TMEM233: variants seen among roughly 807,000 people sequenced by gnomAD.
TMEM233 encodes dispanin subfamily B member 2.
TMEM233 carries 6 observed loss-of-function variants against 11.2 expected under a neutral mutation model. The observed-to-expected ratio is 0.54, with a 90% CI of 0.29 to 1.06. The LOEUF (loss-of-function observed/expected upper bound fraction) is 1.06, where lower values mean the gene tolerates loss of function less well. TMEM233 is among the 50% of genes least tolerant of loss of function. TMEM233 has a pLI of 0.08. For synonymous variants in TMEM233, 59 were observed against 55.8 expected, an observed-to-expected ratio of 1.06 and a Z score of -0.26; for missense variants, 127 against 144.7, an observed-to-expected ratio of 0.88 and a Z score of 0.63.
chr12:119,652,031 T>A, the TMEM233 span, among the ~76,000 whole-genome samples: 1 of 152,048 alleles, frequency 6.6e-6, no homozygotes, highest in South Asian at 2.1e-4. Flanking sequence ...ACCAAAAAAA[T>A]TTAAAAATTA....
the TMEM233 span, among the ~76,000 whole-genome samples, chr12:119,649,404 C>G: frequency 6.6e-6 from 1 of 152,084 alleles, no homozygotes; most frequent in African/African-American, 2.4e-5. Context: ...GGGATGCCCC[C>G]TAGTGGAAAA....
intron 2 of TMEM233, among the ~76,000 whole-genome samples, chr12:119,634,893 A>G (rs1954943895): frequency 6.6e-6 from 1 of 152,212 alleles, no homozygotes; most frequent in African/African-American, 2.4e-5. Context: ...GGCTGGGGCA[A>G]TGAAACACGG....
chr12:119,614,385 TGAGAGA>T (rs1008673596), intron 1 of TMEM233, among the ~76,000 whole-genome samples: 1 of 145,298 alleles, frequency 6.9e-6, no homozygotes, highest in Non-Finnish European at 1.5e-5. Flanking sequence ...CCAGGCTGGG[TGAGAGA>T]GAGAGAGACT....
intron 1 of TMEM233, among the ~76,000 whole-genome samples, chr12:119,616,237 A>G (rs866475137): frequency 2.0e-5 from 3 of 152,244 alleles, no homozygotes; most frequent in African/African-American, 7.2e-5. Context: ...GAGTCACTGC[A>G]GGAGACTCCT....
chr12:119,636,778 T>C (rs1182295354), intron 2 of TMEM233, among the ~76,000 whole-genome samples: 2 of 152,234 alleles, frequency 1.3e-5, no homozygotes, highest in Non-Finnish European at 2.9e-5. Flanking sequence ...ATGACCCTGC[T>C]AATACAGTGG....
chr12:119,612,443 C>T (rs192018927), intron 1 of TMEM233, among the ~76,000 whole-genome samples: 4 of 152,142 alleles, frequency 2.6e-5, no homozygotes, highest in East Asian at 1.9e-4. Context: ...GGCAAAACCC[C>T]GTCTTCAAAA....
intron 2 of TMEM233, among the ~76,000 whole-genome samples, chr12:119,632,232 T>C (rs1286636528): frequency 6.6e-6 from 1 of 152,222 alleles, no homozygotes; most frequent in Non-Finnish European, 1.5e-5. Context: ...AAGAGGTAGA[T>C]AGGTATTATT....
chr12:119,607,722 C>T (rs946871375), intron 1 of TMEM233, among the ~76,000 whole-genome samples: 55 of 151,904 alleles, frequency 3.6e-4, no homozygotes, highest in African/African-American at 1.2e-3. Context: ...GACCCTCCTG[C>T]CCCATCCTCA....
At chr12:119,652,330 C>A in the TMEM233 span, among the ~76,000 whole-genome samples, 2 of 152,208 alleles carry the variant, frequency 1.3e-5, no homozygotes, top group Non-Finnish European at 2.9e-5. Context: ...AATTAGATTT[C>A]TGGATTTTAG....
intron 1 of TMEM233, among the ~76,000 whole-genome samples, chr12:119,614,542 A>G (rs191021855): frequency 2.5e-4 from 38 of 152,356 alleles, no homozygotes; most frequent in Admixed American, 1.3e-3. Flanking sequence ...AAATTTAAGT[A>G]AAGTCATCTA....
chr12:119,615,702 G>C (rs1162174960), intron 1 of TMEM233, among the ~76,000 whole-genome samples: 1 of 152,178 alleles, frequency 6.6e-6, no homozygotes, highest in African/African-American at 2.4e-5. Flanking sequence ...CAAGAGTTCT[G>C]ATCTGAAGAC....
intron 1 of TMEM233, among the ~76,000 whole-genome samples, chr12:119,606,208 A>G (rs994957670): frequency 6.6e-6 from 1 of 152,226 alleles, no homozygotes; most frequent in Non-Finnish European, 1.5e-5. Flanking sequence ...TGATCTACTT[A>G]AAAAGAGTTT....
intron 1 of TMEM233, among the ~76,000 whole-genome samples, chr12:119,625,905 A>G (rs1954746629): frequency 6.6e-6 from 1 of 152,136 alleles, no homozygotes; most frequent in Non-Finnish European, 1.5e-5. Flanking sequence ...CTACACTCGA[A>G]TTTCCCCAAT....
rs17407022 is a variant in TMEM233, at chr12:119,594,632, C to T, written c.186+598C>T. On this transcript the variant is annotated intron_variant, in intron 1 of 2. Transcript: ENST00000426426. The surrounding 1 kb of genome is among the most constrained non-coding windows in gnomAD (Gnocchi z 5.6). The stretch of plus-strand genomic sequence containing the variant: ...TGATGCCCCCTCCTTGATCCCGTTT[C>T]CGCGCTTTGGCACGGCACGCTCTGT... 1,366 of 153,144 alleles carry T rather than the reference C, an allele frequency of 8.9e-3. 7 individuals are homozygous for T. Among genetic ancestry groups the T allele is most frequent in the Middle Eastern group, 0.023 (7 of 298 alleles). The allele number at this position is 153,144 out of a possible 1,614,324, so 9.5% of individuals were successfully genotyped here.
chr12:119,648,840 A>C, the TMEM233 span, among the ~76,000 whole-genome samples: 1 of 152,212 alleles, frequency 6.6e-6, no homozygotes, highest in Non-Finnish European at 1.5e-5. Context: ...TTATTTTTAC[A>C]TTGTTATCTG....
rs1447628291 is a variant in TMEM233, at chr12:119,594,646, G to C, written c.186+612G>C. The C allele has an allele frequency of 6.5e-6, 1 of 152,852 alleles. No homozygotes were observed. Among genetic ancestry groups the C allele is most frequent in the Non-Finnish European group, 1.5e-5 (1 of 68,620 alleles). 9.5% of individuals were successfully genotyped at this position (152,852 alleles called of 1,614,324 possible). On this transcript the variant is annotated intron_variant, in intron 1 of 2. Coordinates refer to ENST00000426426, the MANE Select transcript of TMEM233 (RefSeq NM_001136534.3). This position sits in a 1 kb window ranked among gnomAD's most constrained non-coding sequence, Gnocchi z 5.6. ...TGATCCCGTTTCCGCGCTTTGGCAC[G>C]GCACGCTCTGTCCAGGCAACAGTTT...
intron 1 of TMEM233, among the ~76,000 whole-genome samples, chr12:119,605,591 G>A (rs148203470): frequency 0.015 from 2,210 of 151,880 alleles, 64 homozygotes; most frequent in African/African-American, 0.051. Context: ...ACCATGCCCA[G>A]CTAAACTTTT....
rs576666159 is a variant in TMEM233, at chr12:119,629,841, G to T, written c.292G>T (p.Gly98Cys). Residue 98 changes from glycine to cysteine, a missense_variant, in exon 2 of 3, where the codon GGC becomes TGC. Physicochemically the swap from Gly to Cys is radical, Grantham distance 159. Coordinates refer to ENST00000426426, the MANE Select transcript of TMEM233 (RefSeq NM_001136534.3). ...CATCATCATTGGCCTTCTCATCATC[G>T]GCATTTCTTGTGCAGTTCACTTCAC... Reference protein sequence around the residue: ...ASIIIGLLIIGISCAVHFTRN... With the variant: ...ASIIIGLLIICISCAVHFTRN... 1 of 1,551,434 alleles carries T rather than the reference G, an allele frequency of 6.4e-7. No individual in the cohort carries two copies. Among genetic ancestry groups the T allele is most frequent in the African/African-American group, 1.4e-5 (1 of 73,008 alleles).
intron 2 of TMEM233, among the ~76,000 whole-genome samples, chr12:119,640,164 T>TTGTTA (rs1955055610): frequency 6.6e-6 from 1 of 151,918 alleles, no homozygotes; most frequent in African/African-American, 2.4e-5. Flanking sequence ...TTGTTTTGTT[T>TTGTTA]TGTTTTTTGA....
Sources: allele counts gnomAD v4.1 joint callset (sites outside exome capture counted in the v4.1 genomes callset), GRCh38; gene constraint gnomAD v4.1.1; non-coding constraint Gnocchi (gnomAD v3.1); transcripts MANE v1.5; gene names NCBI Gene and HGNC (gene_info 2026-07-23, HGNC 2026-07-21).